The following BTBD10 variants were observed in gnomAD, a reference collection of about 807,000 sequenced individuals.
BTBD10 encodes BTB/POZ domain-containing protein 10.
A neutral mutation model predicts 53.2 loss-of-function variants in BTBD10; 21 were observed. The ratio of observed to expected loss-of-function variants is 0.39; its 90% CI spans 0.28 to 0.57. The LOEUF (loss-of-function observed/expected upper bound fraction) is 0.57. Among genes scored for constraint, BTBD10 ranks in the 20% least tolerant of loss-of-function variants. The pLI, the probability that BTBD10 is intolerant of heterozygous loss-of-function variation, is 0.53. For missense variants in BTBD10, 360 were observed against 594.7 expected (o/e 0.61, Z 4.10); for synonymous variants, 149 against 192.7 (o/e 0.77, Z 1.88).
intron 2 of BTBD10, chr11:13,440,202 T>C (rs1950619881): frequency 2.2e-6 from 3 of 1,379,712 alleles, no homozygotes; most frequent in East Asian, 3.2e-5. Flanking sequence ...TACATATTAA[T>C]TCAGTTTATT....
chr11:13,392,800 C>A (rs1276619877), intron 8 of BTBD10, among the ~76,000 whole-genome samples: 3 of 152,156 alleles, frequency 2.0e-5, no homozygotes, highest in Non-Finnish European at 4.4e-5. Context: ...TCTATGGGAA[C>A]TGTAATTCCA....
In BTBD10 at chr11:13,405,518, C is replaced by T. The variant is rs560143669; in HGVS notation, c.1006+141G>A. 2.4e-5 allele frequency: 20 copies of T among 838,726 alleles called. 1 individual carries two copies. In the South Asian group the frequency reaches 2.9e-4, roughly 12 times the overall value. The allele number at this position is 838,726 out of a possible 1,614,324, so 52.0% of individuals were successfully genotyped here. On this transcript the variant is annotated intron_variant, in intron 7 of 8. Transcript: ENST00000278174. Reference sequence around the variant, plus strand: ...ACTGTAGCATGAAAGCAGCCATAGGCAATACATAAAACTTAATTTATAAAA... The same window carrying T: ...ACTGTAGCATGAAAGCAGCCATAGGTAATACATAAAACTTAATTTATAAAA...
At chr11:13,441,229 TAAACA>T (rs1191749102) in intron 2 of BTBD10, among the ~76,000 whole-genome samples, 2 of 152,148 alleles carry the variant, frequency 1.3e-5, no homozygotes, top group African/African-American at 2.4e-5. Context: ...TCTTTAACTG[TAAACA>T]AATTTTTAAA....
chr11:13,443,345 A>G (rs1950696888), intron 2 of BTBD10, among the ~76,000 whole-genome samples: 1 of 152,174 alleles, frequency 6.6e-6, no homozygotes, highest in African/African-American at 2.4e-5. Flanking sequence ...TGAAACAACA[A>G]TAATGAAAAA....
rs184199295 is a variant in BTBD10, at chr11:13,430,249, T to A, written c.102-8411A>T. On this transcript the variant is annotated intron_variant, in intron 2 of 8. Coordinates refer to ENST00000278174, the MANE Select transcript of BTBD10 (RefSeq NM_032320.7). ...AATAATGGGTAAAAAATTTGAGATA[T>A]GCAGATGAAAAATAAGTACATGAAA... Among the ~76,000 whole-genome samples, 13 of 152,294 alleles carry A rather than the reference T, an allele frequency of 8.5e-5. No individual in the cohort carries two copies. The East Asian group carries it at 2.5e-3, about 29-fold the overall frequency.
chr11:13,408,242 A>C (rs1475295009), intron 6 of BTBD10, among the ~76,000 whole-genome samples: 9 of 151,504 alleles, frequency 5.9e-5, no homozygotes, highest in Non-Finnish European at 1.2e-4. Context: ...TTCATCATTA[A>C]CTCTCACCCA....
chr11:13,432,415 A>C (rs1407767941), intron 2 of BTBD10, among the ~76,000 whole-genome samples: 3 of 152,188 alleles, frequency 2.0e-5, no homozygotes, highest in Admixed American at 6.5e-5. Context: ...TATTGTACTC[A>C]CGTCAGTTTC....
chr11:13,400,574 TC>T (rs1247486617), intron 8 of BTBD10, among the ~76,000 whole-genome samples: 1 of 152,312 alleles, frequency 6.6e-6, no homozygotes, highest in East Asian at 1.9e-4. Context: ...TGTCCGGCAC[TC>T]CCCAGTGAGA....
At chr11:13,414,704 G>A (rs1192211549) in intron 5 of BTBD10, among the ~76,000 whole-genome samples, 1 of 151,108 alleles carries the variant, frequency 6.6e-6, no homozygotes, top group Non-Finnish European at 1.5e-5. Context: ...GCCAGGCGTG[G>A]TGGTGCACAC....
chr11:13,430,963 A>G (rs940836840), intron 2 of BTBD10, among the ~76,000 whole-genome samples: 1 of 126,330 alleles, frequency 7.9e-6, no homozygotes, highest in African/African-American at 3.1e-5. Context: ...GTAAGGTTTT[A>G]TGGAGATACA....
At chr11:13,400,338 C>G (rs185726308) in intron 8 of BTBD10, among the ~76,000 whole-genome samples, 52 of 152,356 alleles carry the variant, frequency 3.4e-4, no homozygotes, top group Admixed American at 1.3e-3. Context: ...GTGTAGGACC[C>G]TCAGAGCCAG....
At chr11:13,427,837 A>G (rs556540513) in intron 2 of BTBD10, among the ~76,000 whole-genome samples, 54 of 152,210 alleles carry the variant, frequency 3.5e-4, no homozygotes, top group Admixed American at 7.9e-4. Flanking sequence ...AAAATTCCCA[A>G]ATACTTGGAA....
rs1949292293 is a variant in BTBD10 at position 13,388,019 on chromosome 11, A to ACAT, written c.*809_*811dup. On this transcript the variant is annotated 3_prime_UTR_variant, in exon 9 of 9. Transcript: ENST00000278174. ...AATGTGGTTATAAATTTGGTCAGAA[A>ACAT]CATTAAAACAATGGAATTTTATTTT... 6.6e-6 allele frequency: 1 copy of ACAT among 152,570 alleles called. No individual in the cohort carries two copies. The highest frequency in any genetic ancestry group is 2.4e-5 in the African/African-American group (1 of 41,422). The allele number at this position is 152,570 out of a possible 1,614,324, so 9.5% of individuals were successfully genotyped here.
rs373011717 is a variant in BTBD10, at chr11:13,424,616, T to C, written c.102-2778A>G. On this transcript the variant is annotated intron_variant, in intron 2 of 8. Coordinates refer to ENST00000278174, the MANE Select transcript of BTBD10 (RefSeq NM_032320.7). ...GGGGAAAGCTCTGTTTCAGGCTGCA[T>C]TGAAGAGTTTGAAATTCATGAACTA... is the stretch of plus-strand genomic sequence containing the variant. Among the ~76,000 whole-genome samples the C allele has an allele frequency of 6.8e-4, 103 of 152,232 alleles. 2 individuals are homozygous for C. The South Asian group carries it at 0.017, about 25-fold the overall frequency.
intron 7 of BTBD10, chr11:13,405,395 T>C (rs1256576088): frequency 3.3e-6 from 1 of 303,772 alleles, no homozygotes; most frequent in Non-Finnish European, 6.0e-6. Flanking sequence ...CATGTGTATA[T>C]GGCATGGGCG....
chr11:13,411,687 T>C (rs1445435896), intron 6 of BTBD10, among the ~76,000 whole-genome samples: 1 of 152,148 alleles, frequency 6.6e-6, no homozygotes, highest in Non-Finnish European at 1.5e-5. Context: ...GAGATTCACA[T>C]CATCTGTAAA....
chr11:13,421,850 G>C lies in BTBD10; in HGVS notation c.102-12C>G. 1 of 1,581,498 alleles carries C rather than the reference G, an allele frequency of 6.3e-7. No individual in the cohort carries two copies. The highest frequency in any genetic ancestry group is 8.6e-7 in the Non-Finnish European group (1 of 1,160,968). ...TACGCGAGGAAGTACTGATAAGTTA[G>C]AAAGGAAAATTAACCATAAAAGCAG... On this transcript the variant is annotated splice_polypyrimidine_tract_variant and intron_variant, in intron 2 of 8. Coordinates refer to ENST00000278174, the MANE Select transcript of BTBD10 (RefSeq NM_032320.7).
At chr11:13,436,579 C>T (rs939784087) in intron 2 of BTBD10, among the ~76,000 whole-genome samples, 5 of 152,158 alleles carry the variant, frequency 3.3e-5, no homozygotes, top group African/African-American at 7.2e-5. Flanking sequence ...GGAAACTTAG[C>T]GGCTAAGCAA....
chr11:13,403,321 AT>A, intron 7 of BTBD10, 43 bp from the exon 8 acceptor site: 1 of 1,124,040 alleles, frequency 8.9e-7, no homozygotes, highest in South Asian at 1.6e-5. Context: ...AAATTAAAGG[AT>A]TTAGAGATGA....
Sources: gnomAD v4.1 joint callset for allele counts (sites outside exome capture counted in the v4.1 genomes callset) on GRCh38, gnomAD v4.1.1 for gene constraint, MANE v1.5 for transcripts, NCBI Gene and HGNC (gene_info 2026-07-23, HGNC 2026-07-21) for gene names.